Variants in DMBX1 observed in about 807,000 individuals in gnomAD.
DMBX1 encodes the protein diencephalon/mesencephalon homeobox protein 1.
DMBX1 carries 7 observed loss-of-function variants against 30.4 expected under a neutral mutation model. The ratio of observed to expected loss-of-function variants is 0.23; its 90% CI spans 0.13 to 0.43. The LOEUF is 0.43. DMBX1 is among the 20% of genes least tolerant of loss of function. The probability of loss-of-function intolerance (pLI) is 1.00; values close to 1 mark genes in which losing one functional copy is unlikely to be tolerated. For missense variants in DMBX1, 460 were observed against 508.5 expected, an observed-to-expected ratio of 0.90 and a Z score of 0.92; for synonymous variants, 222 against 214.2, an observed-to-expected ratio of 1.04 and a Z score of -0.32.
chr1:46,512,678 A>C lies in DMBX1; in HGVS notation c.*184A>C. On this transcript the variant is annotated 3_prime_UTR_variant, in exon 6 of 6. Transcript: ENST00000360032. This position sits in a 1 kb window ranked among gnomAD's most constrained non-coding sequence, Gnocchi z 4.8. ...AAGCCCACACCTACACACCCTCTGC[A>C]TGGCCCTGCCTGGACCCCATGGAGG... 1 of 692,718 alleles carries C rather than the reference A, an allele frequency of 1.4e-6. No individual in the cohort carries two copies. 42.9% of individuals were successfully genotyped at this position (692,718 alleles called of 1,614,324 possible).
At chr1:46,494,739 C>T (rs989513376) in intron 2 of DMBX1, among the ~76,000 whole-genome samples, 1 of 152,228 alleles carries the variant, frequency 6.6e-6, no homozygotes, top group Non-Finnish European at 1.5e-5. Context: ...TGCAAAGCCA[C>T]ATACTTCCAA....
intron 2 of DMBX1, among the ~76,000 whole-genome samples, chr1:46,495,349 G>A (rs1240357326): frequency 6.6e-6 from 1 of 152,222 alleles, no homozygotes; most frequent in African/African-American, 2.4e-5. Flanking sequence ...CCTGGATCAA[G>A]GTTAAGAGCT....
Position 46,516,079 on chromosome 1 carries a change from C to T in DMBX1, c.*3585C>T, listed in dbSNP as rs2148494775. ...GAAAAAAACAAGACTTAATTCACCCCTGCCTGTCCCCTCGCCTGCCCCCTG... is the reference window on the plus strand; with the variant it reads ...GAAAAAAACAAGACTTAATTCACCCTTGCCTGTCCCCTCGCCTGCCCCCTG... On this transcript the variant is annotated 3_prime_UTR_variant, in exon 6 of 6. Transcript: ENST00000360032. 6.6e-6 allele frequency among the ~76,000 whole-genome samples: 1 copy of T among 152,366 alleles called. No homozygotes were observed. The highest frequency in any genetic ancestry group is 2.1e-4 in the South Asian group (1 of 4,828).
In DMBX1 at chr1:46,493,900, T is replaced by C. The variant is rs1218563588; in HGVS notation, c.-13+3117T>C. On this transcript the variant is annotated intron_variant, in intron 2 of 5. Transcript: ENST00000360032. This position sits in a 1 kb window ranked among gnomAD's most constrained non-coding sequence, Gnocchi z 4.1. Reference sequence around the variant, plus strand: ...CAGCTCTGCTCCTCAGGGTACTCTGTAGTCCCTGTTTCCCAGCCCCGGCCT... The same window carrying C: ...CAGCTCTGCTCCTCAGGGTACTCTGCAGTCCCTGTTTCCCAGCCCCGGCCT... 6.6e-6 allele frequency among the ~76,000 whole-genome samples: 1 copy of C among 152,246 alleles called. No homozygotes were observed. The highest frequency in any genetic ancestry group is 1.5e-5 in the Non-Finnish European group (1 of 68,036).
At position 46,515,292 on chromosome 1, in the gene DMBX1, G is replaced by A. The variant is rs575610908; in HGVS notation, c.*2798G>A. On this transcript the variant is annotated 3_prime_UTR_variant, in exon 6 of 6. Coordinates refer to ENST00000360032, the MANE Select transcript of DMBX1 (RefSeq NM_172225.2). ...AAAAATAATCATCTGGATAGGTATG[G>A]GAAGCTTCCTAGCTGCTTTTAGGCT... 1.5e-4 allele frequency among the ~76,000 whole-genome samples: 21 copies of A among 139,578 alleles called. No homozygotes were observed. In the East Asian group the frequency reaches 2.6e-3, roughly 17 times the overall value. 91.6% of individuals were successfully genotyped at this position (139,578 alleles called of 152,430 possible). A position where few individuals can be genotyped will look rare whatever the true frequency, so the allele number is the denominator to read the frequency against.
Position 46,511,084 on chromosome 1 carries a change from GC to G in DMBX1, c.488del (p.Pro163HisfsTer14), listed in dbSNP as rs780624487. ...CAGATACCCAGCTGGACACTGAGCA[GC>G]CCCCACGTCTGCCTGGCAGCGACCC... ...TPDTQLDTEQ[P>X]PRLPGSDPPA... On this transcript the variant is annotated frameshift_variant, in exon 5 of 6. Coordinates refer to ENST00000360032, the MANE Select transcript of DMBX1 (RefSeq NM_172225.2). LOFTEE classifies it high-confidence loss of function. 1 of 1,614,104 alleles carries G rather than the reference GC, an allele frequency of 6.2e-7. No individual in the cohort carries two copies. The highest frequency in any genetic ancestry group is 8.5e-7 in the Non-Finnish European group (1 of 1,180,008).
At position 46,509,171 on chromosome 1, in the gene DMBX1, C is replaced by T. The variant is rs567174596; in HGVS notation, c.155-1305C>T. 7.2e-5 allele frequency among the ~76,000 whole-genome samples: 11 copies of T among 152,140 alleles called. No individual in the cohort carries two copies. In the East Asian group the frequency reaches 2.1e-3, roughly 29 times the overall value. On this transcript the variant is annotated intron_variant, in intron 3 of 5. Transcript: ENST00000360032. ...CACTGCAACCTCCGCCTCCTGGGTT[C>T]AAGCGGTTCTCCTGCCTCAGCCTCC...
chr1:46,515,819 G>T lies in DMBX1; in HGVS notation c.*3325G>T, dbSNP rs899760375. Among the ~76,000 whole-genome samples, 1 of 152,200 alleles carries T rather than the reference G, an allele frequency of 6.6e-6. No individual in the cohort carries two copies. Among genetic ancestry groups the T allele is most frequent in the Non-Finnish European group, 1.5e-5 (1 of 68,036 alleles). On this transcript the variant is annotated 3_prime_UTR_variant, in exon 6 of 6. Coordinates refer to ENST00000360032, the MANE Select transcript of DMBX1 (RefSeq NM_172225.2). Reference sequence around the variant, plus strand: ...AAAGCCAGAGGCTCAAGCTCTGACTGTCCCTTCCAGGAATGCCTCATGCCT... The same window carrying T: ...AAAGCCAGAGGCTCAAGCTCTGACTTTCCCTTCCAGGAATGCCTCATGCCT...
rs1174733139 is a variant in DMBX1 at position 46,516,192 on chromosome 1, G to T, written c.*3698G>T. On this transcript the variant is annotated 3_prime_UTR_variant, in exon 6 of 6. Transcript: ENST00000360032. ...TGACCTGTTCTTTGTCTTACTTGGC[G>T]AATAAAAGAGAACCCAGCAGCCCAG... Among the ~76,000 whole-genome samples the T allele has an allele frequency of 6.6e-6, 1 of 152,168 alleles. No individual in the cohort carries two copies. Among genetic ancestry groups the T allele is most frequent in the Non-Finnish European group, 1.5e-5 (1 of 68,042 alleles).
At chr1:46,497,707 T>C (rs1162910897) in intron 2 of DMBX1, among the ~76,000 whole-genome samples, 1 of 152,242 alleles carries the variant, frequency 6.6e-6, no homozygotes, top group African/African-American at 2.4e-5. Context: ...ATTCTTCGAT[T>C]GGCTAGGCAT....
chr1:46,511,330 G>C, intron 5 of DMBX1, 47 bp downstream of exon 5: 1 of 1,470,622 alleles, frequency 6.8e-7, no homozygotes, highest in Non-Finnish European at 9.0e-7. Flanking sequence ...TGGGGGCCCT[G>C]AGCGTGTGAA....
chr1:46,503,454 G>T (rs1666174724), intron 2 of DMBX1, among the ~76,000 whole-genome samples: 1 of 152,214 alleles, frequency 6.6e-6, no homozygotes, highest in African/African-American at 2.4e-5. Context: ...ATAAATATGT[G>T]TTGGATGAAT....
Position 46,511,008 on chromosome 1 carries a change from A to G in DMBX1, c.407A>G (p.Gln136Arg). Residue 136 changes from glutamine to arginine, a missense_variant, in exon 5 of 6, where the codon CAG becomes CGG. Physicochemically the swap from Gln to Arg is conservative, Grantham distance 43 (BLOSUM62 1). This residue lies in a region of DMBX1 where 334 missense variants were observed against 345.1 expected (regional missense o/e 0.97). Transcript: ENST00000360032. ...CTGCAGAAGGAACAGCTCCAGAAGC[A>G]GAAGGAGGCTGAGGGCTCCCATGGG... is the stretch of plus-strand genomic sequence containing the variant. ...RSLQKEQLQK[Q>R]KEAEGSHGEG... 6.2e-7 allele frequency: 1 copy of G among 1,614,052 alleles called. No homozygotes were observed. The highest frequency in any genetic ancestry group is 8.5e-7 in the Non-Finnish European group (1 of 1,179,984).
rs1223699613 is a variant in DMBX1, at chr1:46,514,340, C to T, written c.*1846C>T. ...GCCAGCTCTACATTCTGCATTTGCT[C>T]GCAACCTTGTAACACAGAAGTTTTT... is the stretch of plus-strand genomic sequence containing the variant. On this transcript the variant is annotated 3_prime_UTR_variant, in exon 6 of 6. Transcript: ENST00000360032. The T allele has an allele frequency of 6.6e-6, 1 of 152,160 alleles. No individual in the cohort carries two copies. Among genetic ancestry groups the T allele is most frequent in the Non-Finnish European group, 1.5e-5 (1 of 68,042 alleles). The allele number at this position is 152,160 out of a possible 1,614,324, so 9.4% of individuals were successfully genotyped here.
rs981712822 is a variant in DMBX1 at position 46,493,615 on chromosome 1, C to G, written c.-13+2832C>G. Among the ~76,000 whole-genome samples, 2 of 152,246 alleles carry G rather than the reference C, an allele frequency of 1.3e-5. No individual in the cohort carries two copies. Among genetic ancestry groups the G allele is most frequent in the South Asian group, 2.1e-4 (1 of 4,832 alleles). Reference sequence around the variant, plus strand: ...ACAGCGGCAGGAGGGAGCACATTTCCCAGATGGGGTCACTCCTTCCCTCTG... The same window carrying G: ...ACAGCGGCAGGAGGGAGCACATTTCGCAGATGGGGTCACTCCTTCCCTCTG... On this transcript the variant is annotated intron_variant, in intron 2 of 5. Coordinates refer to ENST00000360032, the MANE Select transcript of DMBX1 (RefSeq NM_172225.2). The surrounding 1 kb of genome is among the most constrained non-coding windows in gnomAD (Gnocchi z 4.1).
chr1:46,511,112 C>G lies in DMBX1; in HGVS notation c.511C>G (p.Pro171Ala), dbSNP rs866822917. The change falls in exon 5 of 6, where the codon CCT becomes GCT. Residue 171 changes from proline to alanine, a missense_variant. Transcript: ENST00000360032. ...CCCACGTCTGCCTGGCAGCGACCCC[C>G]CTGCTGAGCTTCACCTGAGTCTGTC... ...QPPRLPGSDP[P>A]AELHLSLSEQ... is the part of the protein sequence containing the mutation. 18 of 1,613,986 alleles carry G rather than the reference C, an allele frequency of 1.1e-5. No individual in the cohort carries two copies. The highest frequency in any genetic ancestry group is 1.7e-5 in the Admixed American group (1 of 59,998).
At chr1:46,499,417 G>T (rs1030224919) in intron 2 of DMBX1, among the ~76,000 whole-genome samples, 1 of 152,222 alleles carries the variant, frequency 6.6e-6, no homozygotes, top group Non-Finnish European at 1.5e-5. Context: ...ATATGCTGGG[G>T]AAAGATCCTG....
intron 2 of DMBX1, among the ~76,000 whole-genome samples, chr1:46,506,547 T>C (rs1295299738): frequency 1.3e-5 from 2 of 152,240 alleles, no homozygotes; most frequent in African/African-American, 2.4e-5. Flanking sequence ...AATGAATTTG[T>C]AAATCACAAT....
At position 46,506,593 on chromosome 1, in the gene DMBX1, C is replaced by T. The variant is rs201603182; in HGVS notation, c.-12-406C>T. Among the ~76,000 whole-genome samples, 8 of 152,326 alleles carry T rather than the reference C, an allele frequency of 5.3e-5. No homozygotes were observed. In the East Asian group the frequency reaches 1.3e-3, roughly 26 times the overall value. ...TTTGAGCACATACTATGATCCAGTC[C>T]TTTGTAAAGGCTTCTCTTAATCCTT... On this transcript the variant is annotated intron_variant, in intron 2 of 5. Transcript: ENST00000360032.
Sources: gnomAD v4.1 joint callset for allele counts (sites outside exome capture counted in the v4.1 genomes callset) on GRCh38, gnomAD v4.1.1 for gene constraint, gnomAD v4.1.1 regional missense constraint, Gnocchi (gnomAD v3.1) non-coding constraint, MANE v1.5 for transcripts, NCBI Gene and HGNC (gene_info 2026-07-23, HGNC 2026-07-21) for gene names.